RIN3: variants seen among roughly 807,000 people sequenced by gnomAD.
RIN3 encodes the protein RAB5 interacting protein 3.
Under a neutral mutation model 76.3 loss-of-function variants are expected in RIN3, and 54 were observed. The observed-to-expected ratio is 0.71, with a 90% CI of 0.57 to 0.89. The LOEUF (loss-of-function observed/expected upper bound fraction) is 0.89. RIN3 is among the 40% of genes least tolerant of loss of function. RIN3 has a pLI of 0.00. For synonymous variants in RIN3, 576 were observed against 564.0 expected (o/e 1.02, Z -0.30); for missense variants, 1,256 against 1,322.1 (o/e 0.95, Z 0.78).
At chr14:92,629,228 A>G (rs907462876) in intron 4 of RIN3, among the ~76,000 whole-genome samples, 1 of 152,152 alleles carries the variant, frequency 6.6e-6, no homozygotes, top group African/African-American at 2.4e-5. Context: ...GGAATCCCAA[A>G]CTTTGGACTT....
rs113477954 is a variant in RIN3, at chr14:92,685,131, C to T, written c.2612C>T (p.Ala871Val). 1.2e-5 allele frequency: 20 copies of T among 1,611,664 alleles called. No homozygotes were observed. The highest frequency in any genetic ancestry group is 1.6e-5 in the Non-Finnish European group (19 of 1,179,030). Residue 871 changes from alanine to valine, a missense_variant, in exon 9 of 10, where the codon GCC (alanine) becomes GTC (valine). Coordinates refer to ENST00000216487, the MANE Select transcript of RIN3 (RefSeq NM_024832.5). This position sits in a 1 kb window ranked among gnomAD's most constrained non-coding sequence, Gnocchi z 4.7. Reference sequence around the variant, plus strand: ...CGGCGTACTCTCAACAAGGCCCGGGCCTCCCGCTCCTCCGTACAGGTGAGG... The same window carrying T: ...CGGCGTACTCTCAACAAGGCCCGGGTCTCCCGCTCCTCCGTACAGGTGAGG... Reference protein sequence around the residue: ...ERRRTLNKARASRSSVQDFIC... With the variant: ...ERRRTLNKARVSRSSVQDFIC...
intron 3 of RIN3, among the ~76,000 whole-genome samples, chr14:92,584,185 A>C (rs542105203): frequency 6.6e-6 from 1 of 152,324 alleles, no homozygotes; most frequent in African/African-American, 2.4e-5. Flanking sequence ...CCAACCCCCC[A>C]CAGATACCAA....
chr14:92,675,629 T>C (rs1294826964), intron 7 of RIN3, among the ~76,000 whole-genome samples: 3 of 152,202 alleles, frequency 2.0e-5, no homozygotes, highest in African/African-American at 4.8e-5. Flanking sequence ...CGAAGCTTCA[T>C]TTCTCCAGTG....
chr14:92,570,640 C>T (rs779659340), intron 2 of RIN3, among the ~76,000 whole-genome samples: 33 of 141,676 alleles, frequency 2.3e-4, no homozygotes, highest in Admixed American at 5.1e-4. Flanking sequence ...CCAGCCTCAG[C>T]GACAAAGTGA....
At chr14:92,572,899 T>G in intron 2 of RIN3, among the ~76,000 whole-genome samples, 1 of 137,830 alleles carries the variant, frequency 7.3e-6, no homozygotes, top group African/African-American at 2.6e-5. Flanking sequence ...TTTTTTTTTT[T>G]GAGATGCAGT....
chr14:92,523,433 T>C (rs1168833625), intron 1 of RIN3, among the ~76,000 whole-genome samples: 1 of 152,186 alleles, frequency 6.6e-6, no homozygotes, highest in Non-Finnish European at 1.5e-5. Context: ...TTTTAATTTC[T>C]TATTTTAGAT....
rs149816063 is a variant in RIN3 at position 92,625,703 on chromosome 14, G to C, written c.440+10224G>C. On this transcript the variant is annotated intron_variant, in intron 4 of 9. Transcript: ENST00000216487. ...CCCATACTCTTTAGAGGGCCTGGTA[G>C]CTGAGGGTCTGGGTCCGCTAGTTGG... Among the ~76,000 whole-genome samples the C allele has an allele frequency of 4.6e-5, 7 of 152,312 alleles. No individual in the cohort carries two copies. The East Asian group carries it at 1.2e-3, about 25-fold the overall frequency.
intron 3 of RIN3, 49 bp from the exon 4 acceptor site, chr14:92,615,358 C>G: frequency 6.5e-7 from 1 of 1,530,578 alleles, no homozygotes; most frequent in African/African-American, 1.4e-5. Flanking sequence ...CCCCCATTTT[C>G]CTTGGCAGGA....
At chr14:92,539,998 G>A (rs962887189) in intron 1 of RIN3, among the ~76,000 whole-genome samples, 2 of 152,258 alleles carry the variant, frequency 1.3e-5, no homozygotes, top group African/African-American at 4.8e-5. Flanking sequence ...GTTGGGGTCA[G>A]TGTGGGCAGG....
intron 1 of RIN3, among the ~76,000 whole-genome samples, chr14:92,520,324 C>G (rs1896563283): frequency 6.6e-6 from 1 of 152,082 alleles, no homozygotes; most frequent in African/African-American, 2.4e-5. Flanking sequence ...GAGCCTGGCT[C>G]TACACACAGG....
At chr14:92,604,993 T>A (rs1248510023) in intron 3 of RIN3, among the ~76,000 whole-genome samples, 1 of 135,246 alleles carries the variant, frequency 7.4e-6, no homozygotes, top group African/African-American at 2.8e-5. Flanking sequence ...CATTGCAACT[T>A]CCACCTCCTA....
intron 3 of RIN3, among the ~76,000 whole-genome samples, chr14:92,584,399 G>A (rs1884689241): frequency 6.6e-6 from 1 of 152,196 alleles, no homozygotes; most frequent in African/African-American, 2.4e-5. Flanking sequence ...GGCTGAAACA[G>A]GTCACATGGC....
intron 1 of RIN3, among the ~76,000 whole-genome samples, chr14:92,523,813 G>A (rs1006111252): frequency 2.0e-5 from 3 of 152,208 alleles, no homozygotes; most frequent in Non-Finnish European, 4.4e-5. Context: ...TGTGCTTTAG[G>A]CTGAGAACTC....
Position 92,687,907 on chromosome 14 carries a change from GC to G in RIN3, c.2632-15del. On this transcript the variant is annotated intron_variant, in intron 9 of 9. Transcript: ENST00000216487. ...AGACAGGGCCCCGCCGTGACCACAG[GC>G]CCCTCGCGTCTCCGCAGGACTTCAT... The G allele has an allele frequency of 6.6e-7, 1 of 1,526,262 alleles. No individual in the cohort carries two copies. Among genetic ancestry groups the G allele is most frequent in the African/African-American group, 1.4e-5 (1 of 70,836 alleles). The allele number at this position is 1,526,262 out of a possible 1,614,324, so 94.5% of individuals were successfully genotyped here.
chr14:92,664,711 T>C (rs1888022571), intron 7 of RIN3, among the ~76,000 whole-genome samples: 1 of 152,162 alleles, frequency 6.6e-6, no homozygotes, highest in Admixed American at 6.6e-5. Flanking sequence ...TAATGTTTTG[T>C]CTGAATAGCG....
At chr14:92,583,648 A>G (rs927592078) in intron 3 of RIN3, among the ~76,000 whole-genome samples, 3 of 152,268 alleles carry the variant, frequency 2.0e-5, no homozygotes, top group Non-Finnish European at 4.4e-5. Context: ...TTTACATTGT[A>G]TTAGGTATTA....
intron 8 of RIN3, among the ~76,000 whole-genome samples, chr14:92,678,420 C>T (rs1182368685): frequency 6.7e-6 from 1 of 150,366 alleles, no homozygotes; most frequent in African/African-American, 2.5e-5. Flanking sequence ...CCACCCTCCA[C>T]ATATTCATTC....
intron 7 of RIN3, among the ~76,000 whole-genome samples, chr14:92,671,096 G>A (rs1323168389): frequency 6.6e-6 from 1 of 152,204 alleles, no homozygotes; most frequent in East Asian, 1.9e-4. Context: ...AGCCTGTGCT[G>A]GGGGCTGGAA....
intron 1 of RIN3, among the ~76,000 whole-genome samples, chr14:92,521,601 CT>C (rs1289430833): frequency 6.6e-6 from 1 of 152,154 alleles, no homozygotes. Context: ...TGTGACATAC[CT>C]GCTCCCCCTT....
Sources: allele counts gnomAD v4.1 joint callset (sites outside exome capture counted in the v4.1 genomes callset), GRCh38; gene constraint gnomAD v4.1.1; non-coding constraint Gnocchi (gnomAD v3.1); transcripts MANE v1.5; gene names NCBI Gene and HGNC (gene_info 2026-07-23, HGNC 2026-07-21).